The following C4orf51 variants were observed in gnomAD, a reference collection of about 807,000 sequenced individuals.
C4orf51 encodes the protein uncharacterized protein C4orf51.
In C4orf51, 25 loss-of-function variants were observed where a neutral mutation model predicts 25.2. That is an observed-to-expected ratio of 0.99 (90% CI 0.72 to 1.39). C4orf51 has a LOEUF of 1.39. C4orf51 is among the 40% of genes most tolerant of loss of function. The pLI, the probability that C4orf51 is intolerant of heterozygous loss-of-function variation, is 0.00. For missense variants in C4orf51, 252 were observed against 239.6 expected (o/e 1.05, Z -0.34); for synonymous variants, 100 against 84.5 (o/e 1.18, Z -1.01).
downstream of C4orf51, among the ~76,000 whole-genome samples, chr4:145,733,040 G>T (rs1486859842): frequency 1.3e-5 from 2 of 152,164 alleles, no homozygotes; most frequent in Admixed American, 6.5e-5. Flanking sequence ...TCGCGGGGGC[G>T]GGGGCGGCCT....
intron 2 of C4orf51, among the ~76,000 whole-genome samples, chr4:145,721,377 C>CA (rs1439287858): frequency 6.6e-6 from 1 of 151,378 alleles, no homozygotes; most frequent in African/African-American, 2.4e-5. Context: ...ACACTGGCCA[C>CA]CAATATGTCT....
chr4:145,769,617 C>T (rs992638839), intron 1 of C4orf51, among the ~76,000 whole-genome samples: 5 of 152,154 alleles, frequency 3.3e-5, no homozygotes, highest in African/African-American at 1.2e-4. Flanking sequence ...TCCAAACAGC[C>T]TCTCCTGTTT....
chr4:145,768,916 T>TATATATATATATATATATATAAAAAA (rs34051922), intron 1 of C4orf51, among the ~76,000 whole-genome samples: 5 of 34,420 alleles, frequency 1.5e-4, no homozygotes, highest in African/African-American at 2.1e-4. Flanking sequence ...TATATATATA[T>TATATATATATATATATATATAAAAAA]TAGGTATACA....
chr4:145,759,667 A>G (rs1484767669), intron 1 of C4orf51: 4 of 150,818 alleles, frequency 2.7e-5, no homozygotes, highest in Admixed American at 6.6e-5. Flanking sequence ...AAAAAGGTAC[A>G]TTTTCTTCCT....
downstream of C4orf51, chr4:145,774,384 T>G: frequency 8.8e-7 from 1 of 1,136,360 alleles, no homozygotes; most frequent in Non-Finnish European, 1.3e-6. Context: ...GGAAAGTCCT[T>G]CCTTCCATGG....
At position 145,680,328 on chromosome 4, in the gene C4orf51, A is replaced by G; in HGVS notation, c.125A>G (p.Asp42Gly). The G allele has an allele frequency of 6.2e-7, 1 of 1,614,012 alleles. No individual in the cohort carries two copies. The highest frequency in any genetic ancestry group is 8.5e-7 in the Non-Finnish European group (1 of 1,179,870). The part of the protein sequence containing the change: ...ASWQDETRWS[D>G]SSVTTYTGSY... ...TGGCAGGATGAAACACGATGGTCAG[A>G]TTCTTCCGTGACAACATACACAGGC... Residue 42 changes from aspartate to glycine, a missense_variant, in exon 1 of 6, where the codon GAT becomes GGT. Transcript: ENST00000438731.
At chr4:145,704,574 T>G (rs1368202940) in intron 2 of C4orf51, among the ~76,000 whole-genome samples, 1 of 152,240 alleles carries the variant, frequency 6.6e-6, no homozygotes, top group Admixed American at 6.5e-5. Flanking sequence ...TCTTTTTCAT[T>G]GGTCTGTGTG....
intron 1 of C4orf51, among the ~76,000 whole-genome samples, chr4:145,747,789 C>A (rs1266981660): frequency 1.4e-5 from 2 of 147,858 alleles, no homozygotes; most frequent in Non-Finnish European, 3.0e-5. Context: ...TTGCTTCCTT[C>A]CCTCCTTCCT....
chr4:145,689,293 G>C (rs565764467), intron 1 of C4orf51, among the ~76,000 whole-genome samples: 10 of 152,236 alleles, frequency 6.6e-5, no homozygotes, highest in African/African-American at 2.4e-4. Context: ...TTAAAATTAA[G>C]TAGTTCTATT....
At chr4:145,694,396 C>T (rs1729893619) in intron 1 of C4orf51, among the ~76,000 whole-genome samples, 1 of 143,780 alleles carries the variant, frequency 7.0e-6, no homozygotes, top group African/African-American at 2.5e-5. Context: ...TCCACCCGGC[C>T]AGCCGCCCCG....
the C4orf51 span, among the ~76,000 whole-genome samples, chr4:145,781,751 T>G: frequency 2.0e-5 from 3 of 152,310 alleles, no homozygotes; most frequent in Admixed American, 1.3e-4. Flanking sequence ...AGTATATCAG[T>G]AGCTCCTTTT....
downstream of C4orf51, chr4:145,775,980 A>G: frequency 3.1e-6 from 5 of 1,614,038 alleles, no homozygotes; most frequent in Non-Finnish European, 4.2e-6. Context: ...AAGGAACAGG[A>G]AAAAGCCCAA....
chr4:145,779,033 C>A, the C4orf51 span, among the ~76,000 whole-genome samples: 1 of 152,134 alleles, frequency 6.6e-6, no homozygotes, highest in Non-Finnish European at 1.5e-5. Context: ...CCACCCACAA[C>A]AATAAGATAA....
the C4orf51 span, among the ~76,000 whole-genome samples, chr4:145,782,365 G>A: frequency 3.9e-5 from 6 of 152,132 alleles, no homozygotes; most frequent in East Asian, 1.2e-3. Context: ...GCTGAGATGA[G>A]ATGAAGCTGA....
the C4orf51 span, among the ~76,000 whole-genome samples, chr4:145,788,200 T>C: frequency 6.6e-6 from 1 of 152,160 alleles, no homozygotes; most frequent in East Asian, 1.9e-4. Flanking sequence ...GCTTAAAAAA[T>C]ACTTACTGAT....
chr4:145,709,419 A>G (rs983633909), intron 2 of C4orf51, among the ~76,000 whole-genome samples: 1 of 152,258 alleles, frequency 6.6e-6, no homozygotes, highest in Non-Finnish European at 1.5e-5. Context: ...AGACAGGGAA[A>G]GGGTTGGAAG....
At chr4:145,742,688 C>G (rs113185000) in intron 1 of C4orf51, among the ~76,000 whole-genome samples, 1 of 151,924 alleles carries the variant, frequency 6.6e-6, no homozygotes, top group Non-Finnish European at 1.5e-5. Context: ...TACAGGCGCC[C>G]GCCACCACGC....
intron 1 of C4orf51, among the ~76,000 whole-genome samples, chr4:145,746,074 T>A (rs1402799608): frequency 6.6e-6 from 1 of 152,194 alleles, no homozygotes; most frequent in Non-Finnish European, 1.5e-5. Context: ...TATTATAATT[T>A]TTTTTCTATG....
downstream of C4orf51, among the ~76,000 whole-genome samples, chr4:145,735,660 C>A (rs953674335): frequency 1.3e-5 from 2 of 152,322 alleles, no homozygotes; most frequent in African/African-American, 4.8e-5. Flanking sequence ...TAAATGAGGT[C>A]TTCGTGCAGC....
Sources: allele counts gnomAD v4.1 joint callset (sites outside exome capture counted in the v4.1 genomes callset), GRCh38; gene constraint gnomAD v4.1.1; transcripts MANE v1.5; gene names NCBI Gene and HGNC (gene_info 2026-07-23, HGNC 2026-07-21).